FMNL2: variants seen among roughly 807,000 people sequenced by gnomAD.
FMNL2 encodes formin like 2, also known as formin-like protein 2.
FMNL2 carries 51 observed loss-of-function variants against 130.2 expected under a neutral mutation model. The observed-to-expected ratio is 0.39, with a 90% confidence interval of 0.31 to 0.49. The LOEUF is 0.49. Ranked by LOEUF, FMNL2 falls within the 20% of genes least tolerant of loss-of-function variation. The probability of loss-of-function intolerance (pLI) is 0.85; values close to 1 mark genes in which losing one functional copy is unlikely to be tolerated. For missense variants in FMNL2, 977 were observed against 1,316.2 expected, an observed-to-expected ratio of 0.74 and a Z score of 3.99; for synonymous variants, 465 against 467.1, an observed-to-expected ratio of 1.00 and a Z score of 0.06.
At chr2:152,404,485 A>G (rs1685876327) in intron 1 of FMNL2, among the ~76,000 whole-genome samples, 1 of 152,216 alleles carries the variant, frequency 6.6e-6, no homozygotes, top group Non-Finnish European at 1.5e-5. Flanking sequence ...TTGAGCCCTC[A>G]GAATTACTCG....
intron 1 of FMNL2, among the ~76,000 whole-genome samples, chr2:152,446,608 G>C (rs1688350871): frequency 6.6e-6 from 1 of 152,174 alleles, no homozygotes; most frequent in Non-Finnish European, 1.5e-5. Context: ...AAAATGAAAA[G>C]TAGTTTGTTG....
rs56681937 is a variant in FMNL2 at position 152,412,446 on chromosome 2, TTATATATATATATATATATATA to T, written c.117+76761_117+76782del. Among the ~76,000 whole-genome samples, 1,016 of 103,166 alleles carry T rather than the reference TTATATATATATATATATATATA, an allele frequency of 9.8e-3. 9 individuals carry two copies. Among genetic ancestry groups the T allele is most frequent in the Non-Finnish European group, 0.011 (609 of 55,538 alleles). The allele number at this position is 103,166 out of a possible 152,430, so 67.7% of individuals were successfully genotyped here. A position where few individuals can be genotyped will look rare whatever the true frequency, so the allele number is the denominator to read the frequency against. On this transcript the variant is annotated intron_variant, in intron 1 of 25. Coordinates refer to ENST00000288670, the MANE Select transcript of FMNL2 (RefSeq NM_052905.4). ...TTCCTCTTACTTTCTTCTGTATATTTTATATATATATATATATATATATATATATATATATATATATATATAT... is the reference window on the plus strand; with the variant it reads ...TTCCTCTTACTTTCTTCTGTATATTTTATATATATATATATATATATATAT...
At chr2:152,582,077 G>T (rs10497109) in intron 9 of FMNL2, among the ~76,000 whole-genome samples, 2 of 152,090 alleles carry the variant, frequency 1.3e-5, no homozygotes, top group African/African-American at 2.4e-5. Flanking sequence ...TTAATATCTT[G>T]ATTTTAGCGA....
chr2:152,469,270 C>G (rs193201399), intron 1 of FMNL2, among the ~76,000 whole-genome samples: 3 of 152,328 alleles, frequency 2.0e-5, no homozygotes, highest in Admixed American at 2.0e-4. Context: ...CATTTCAGCT[C>G]TTCCTGATAT....
intron 1 of FMNL2, among the ~76,000 whole-genome samples, chr2:152,353,083 T>G (rs1304519397): frequency 2.0e-5 from 3 of 152,212 alleles, no homozygotes; most frequent in East Asian, 3.8e-4. Flanking sequence ...CTTTTGCCTT[T>G]GAGTAGTTAA....
chr2:152,356,659 C>CT (rs1427793376), intron 1 of FMNL2, among the ~76,000 whole-genome samples: 1 of 151,478 alleles, frequency 6.6e-6, no homozygotes, highest in Admixed American at 6.6e-5. Context: ...GGTGACTCTG[C>CT]TTTTTTGTTT....
intron 1 of FMNL2, among the ~76,000 whole-genome samples, chr2:152,501,915 G>A (rs1691858890): frequency 6.6e-6 from 1 of 152,182 alleles, no homozygotes; most frequent in South Asian, 2.1e-4. Flanking sequence ...ATAAGTTATA[G>A]TTTCCGGAAG....
At chr2:152,341,098 G>T (rs191192588) in intron 1 of FMNL2, among the ~76,000 whole-genome samples, 97 of 152,330 alleles carry the variant, frequency 6.4e-4, no homozygotes, top group African/African-American at 2.3e-3. Flanking sequence ...GCAGATGGGC[G>T]GGTGGGAGTG....
intron 9 of FMNL2, among the ~76,000 whole-genome samples, chr2:152,584,500 A>G (rs948598777): frequency 1.3e-5 from 2 of 152,162 alleles, no homozygotes; most frequent in Non-Finnish European, 2.9e-5. Flanking sequence ...TTTTTTGCAA[A>G]TAAAGTAATA....
At position 152,528,449 on chromosome 2, in the gene FMNL2, C is replaced by T. The variant is rs1471463932; in HGVS notation, c.201+6423C>T. ...GAGATTTCTTCCTTTCCTCTCTTTC[C>T]TTCTGGTGTCTCTGGGCATTCTTTG... On this transcript the variant is annotated intron_variant, in intron 2 of 25. Transcript: ENST00000288670. 5.3e-5 allele frequency among the ~76,000 whole-genome samples: 8 copies of T among 152,256 alleles called. No homozygotes were observed. In the East Asian group the frequency reaches 1.4e-3, roughly 26 times the overall value.
chr2:152,635,497 G>T (rs1446118863), intron 21 of FMNL2, among the ~76,000 whole-genome samples: 1 of 152,060 alleles, frequency 6.6e-6, no homozygotes, highest in Non-Finnish European at 1.5e-5. Context: ...AAGTTAATAC[G>T]TCATTAGCAA....
chr2:152,578,770 A>T (rs577830208), intron 7 of FMNL2, 118 bp from the exon 8 acceptor site: 1 of 690,550 alleles, frequency 1.4e-6, no homozygotes, highest in East Asian at 2.8e-5. Flanking sequence ...GTGCATTTAT[A>T]ATGGTGTAAG....
Position 152,533,315 on chromosome 2 carries a change from A to G in FMNL2, c.202-9424A>G, listed in dbSNP as rs149780959. Reference sequence around the variant, plus strand: ...TGTCTGTCTATCCATCCATCCATGTATGCTTCTGTATTTATCTAACTTTAC... The same window carrying G: ...TGTCTGTCTATCCATCCATCCATGTGTGCTTCTGTATTTATCTAACTTTAC... On this transcript the variant is annotated intron_variant, in intron 2 of 25. Transcript: ENST00000288670. Among the ~76,000 whole-genome samples, 325 of 152,222 alleles carry G rather than the reference A, an allele frequency of 2.1e-3. 1 individual carries two copies. Among genetic ancestry groups the G allele is most frequent in the African/African-American group, 7.4e-3 (307 of 41,542 alleles).
At chr2:152,624,817 A>C (rs1449654945) in intron 15 of FMNL2, among the ~76,000 whole-genome samples, 1 of 152,218 alleles carries the variant, frequency 6.6e-6, no homozygotes, top group African/African-American at 2.4e-5. Flanking sequence ...AGCCCGGGTG[A>C]CAGAGCAAGA....
intron 1 of FMNL2, among the ~76,000 whole-genome samples, chr2:152,359,839 A>C (rs749532037): frequency 6.6e-6 from 1 of 152,152 alleles, no homozygotes; most frequent in African/African-American, 2.4e-5. Flanking sequence ...TTACTGTGCG[A>C]TGTTTCATGT....
chr2:152,522,155 A>G (rs1485819713), intron 2 of FMNL2, 129 bp downstream of exon 2: 1 of 730,920 alleles, frequency 1.4e-6, no homozygotes, highest in Non-Finnish European at 2.2e-6. Flanking sequence ...ATAGGAAAAA[A>G]GAAGAGAACT....
chr2:152,558,235 A>G (rs1695333152), intron 4 of FMNL2, among the ~76,000 whole-genome samples: 1 of 152,228 alleles, frequency 6.6e-6, no homozygotes, highest in Admixed American at 6.5e-5. Context: ...TTGAATTTCT[A>G]GAAGCCCATA....
chr2:152,574,321 A>G (rs1696344046), intron 6 of FMNL2, among the ~76,000 whole-genome samples: 1 of 151,686 alleles, frequency 6.6e-6, no homozygotes, highest in African/African-American at 2.4e-5. Context: ...CTGTAGTCCG[A>G]GCTACTCGGG....
chr2:152,543,080 G>C (rs2678301), intron 3 of FMNL2, among the ~76,000 whole-genome samples: 6 of 152,142 alleles, frequency 3.9e-5, no homozygotes, highest in African/African-American at 1.4e-4. Flanking sequence ...TTCCAATTAC[G>C]TAGGGCAGTG....
Sources: allele counts gnomAD v4.1 joint callset (sites outside exome capture counted in the v4.1 genomes callset), GRCh38; gene constraint gnomAD v4.1.1; transcripts MANE v1.5; gene names NCBI Gene and HGNC (gene_info 2026-07-23, HGNC 2026-07-21).